MIER1: variants seen among roughly 807,000 people sequenced by gnomAD.
MIER1 encodes mesoderm induction early response protein 1.
MIER1 carries 40 observed loss-of-function variants against 75.7 expected under a neutral mutation model. The observed-to-expected ratio is 0.53, with a 90% CI of 0.41 to 0.69. MIER1 has a LOEUF of 0.69. Among genes scored for constraint, MIER1 ranks in the 30% least tolerant of loss-of-function variants. The pLI is 0.00. For synonymous variants in MIER1, 213 were observed against 223.4 expected, an observed-to-expected ratio of 0.95 and a Z score of 0.42; for missense variants, 574 against 680.2, an observed-to-expected ratio of 0.84 and a Z score of 1.74.
At chr1:66,967,309 A>G (rs1662624209) in intron 8 of MIER1, among the ~76,000 whole-genome samples, 1 of 152,174 alleles carries the variant, frequency 6.6e-6, no homozygotes, top group East Asian at 1.9e-4. Flanking sequence ...AAATGAGTTC[A>G]CTGTAGGTAT....
intron 1 of MIER1, 141 bp downstream of exon 1, chr1:66,925,236 A>G: frequency 1.5e-6 from 2 of 1,354,678 alleles, no homozygotes; most frequent in South Asian, 1.9e-5. Flanking sequence ...ACTTCCGGGG[A>G]GGGGCTGCCG....
intron 4 of MIER1, among the ~76,000 whole-genome samples, chr1:66,950,130 A>T (rs1658584372): frequency 6.6e-6 from 1 of 152,100 alleles, no homozygotes; most frequent in Admixed American, 6.6e-5. Flanking sequence ...TTTTTTTGAG[A>T]CAGAGTCTCA....
Position 66,985,011 on chromosome 1 carries a change from A to G in MIER1, c.*111A>G. On this transcript the variant is annotated 3_prime_UTR_variant, in exon 14 of 14. Coordinates refer to ENST00000401041, the MANE Select transcript of MIER1 (RefSeq NM_001077700.3). The stretch of plus-strand genomic sequence containing the variant: ...TTCCTTGAAGCAGTTTGAAAATTTG[A>G]ATTGAGTCTTAACTTTAGGAAATGA... 7.0e-7 allele frequency: 1 copy of G among 1,423,030 alleles called. No individual in the cohort carries two copies. Among genetic ancestry groups the G allele is most frequent in the East Asian group, 2.6e-5 (1 of 39,124 alleles). 88.2% of individuals were successfully genotyped at this position (1,423,030 alleles called of 1,614,324 possible).
At chr1:66,956,211 C>T (rs1384650602) in intron 4 of MIER1, among the ~76,000 whole-genome samples, 1 of 152,104 alleles carries the variant, frequency 6.6e-6, no homozygotes, top group Non-Finnish European at 1.5e-5. Flanking sequence ...CGCTTGCATC[C>T]AGGTGTTTGA....
intron 4 of MIER1, among the ~76,000 whole-genome samples, chr1:66,957,587 G>GTTTTTTTTT (rs770503779): frequency 1.8e-4 from 18 of 99,246 alleles, no homozygotes; most frequent in East Asian, 5.9e-4. Context: ...GTTTGTTTGT[G>GTTTTTTTTT]TTTTTTTTTT....
chr1:66,988,587 T>C lies in MIER1; in HGVS notation c.*3687T>C. On this transcript the variant is annotated 3_prime_UTR_variant, in exon 14 of 14. Transcript: ENST00000401041. ...TTAGTTAGTATAAAGAATTATAGAATGTATAATGTAATTAAAATGTCATTT... is the reference window on the plus strand; with the variant it reads ...TTAGTTAGTATAAAGAATTATAGAACGTATAATGTAATTAAAATGTCATTT... 6.6e-6 allele frequency: 1 copy of C among 152,156 alleles called. No homozygotes were observed. The highest frequency in any genetic ancestry group is 2.4e-5 in the African/African-American group (1 of 41,452). 9.4% of individuals were successfully genotyped at this position (152,156 alleles called of 1,614,324 possible).
At chr1:66,935,286 G>A (rs1162479920) in intron 2 of MIER1, among the ~76,000 whole-genome samples, 1 of 152,132 alleles carries the variant, frequency 6.6e-6, no homozygotes, top group African/African-American at 2.4e-5. Flanking sequence ...ACAACTATTA[G>A]CAATTTTATC....
At chr1:66,940,367 T>TA (rs1352896248) in intron 3 of MIER1, 1 of 234,590 alleles carries the variant, frequency 4.3e-6, no homozygotes, top group Admixed American at 5.6e-5. Flanking sequence ...TTGTGCTTTT[T>TA]AAAAAGGAAT....
intron 4 of MIER1, among the ~76,000 whole-genome samples, chr1:66,956,791 A>G (rs1293966716): frequency 6.6e-6 from 1 of 152,244 alleles, no homozygotes; most frequent in African/African-American, 2.4e-5. Context: ...GTAATGGGAA[A>G]TAGAAGTTTT....
At chr1:66,967,499 A>C (rs1374240460) in intron 8 of MIER1, among the ~76,000 whole-genome samples, 14 of 152,062 alleles carry the variant, frequency 9.2e-5, no homozygotes, top group Non-Finnish European at 1.8e-4. Flanking sequence ...GTTCCATATA[A>C]ATTTTAGGAA....
chr1:66,970,209 T>TAA (rs1663321941), intron 8 of MIER1, among the ~76,000 whole-genome samples: 2 of 152,202 alleles, frequency 1.3e-5, no homozygotes. Context: ...TAAATACCTT[T>TAA]AAAAAAGTAA....
intron 7 of MIER1, chr1:66,959,953 C>G (rs1178852266): frequency 3.7e-6 from 1 of 273,254 alleles, no homozygotes; most frequent in African/African-American, 2.2e-5. Flanking sequence ...GGTGTGGTGG[C>G]TCACGCCTGT....
rs747161738 is a variant in MIER1 at position 66,946,342 on chromosome 1, G to A, written c.339+47G>A. ...GGTATGAATTGGTTATGACTTTTTT[G>A]TGGAAAGGGAAGATCTGAAATTTTG... On this transcript the variant is annotated intron_variant, in intron 4 of 13. Coordinates refer to ENST00000401041, the MANE Select transcript of MIER1 (RefSeq NM_001077700.3). 1.1e-5 allele frequency: 17 copies of A among 1,498,674 alleles called. 1 individual carries two copies. In the South Asian group the frequency reaches 2.2e-4, roughly 20 times the overall value. 92.8% of individuals were successfully genotyped at this position (1,498,674 alleles called of 1,614,324 possible).
At chr1:66,941,981 A>AC (rs951831447) in intron 3 of MIER1, among the ~76,000 whole-genome samples, 21 of 151,838 alleles carry the variant, frequency 1.4e-4, no homozygotes, top group African/African-American at 4.4e-4. Flanking sequence ...AAAAAAAAAA[A>AC]AAAAAACAGT....
At position 66,986,066 on chromosome 1, in the gene MIER1, A is replaced by G. The variant is rs1007131016; in HGVS notation, c.*1166A>G. On this transcript the variant is annotated 3_prime_UTR_variant, in exon 14 of 14. Transcript: ENST00000401041. ...ATTAAATAAACAGAGGAGGGGGGTC[A>G]AGTGATACTTAGATATTGGCACACA... The G allele has an allele frequency of 9.8e-7, 1 of 1,023,680 alleles. No individual in the cohort carries two copies. The highest frequency in any genetic ancestry group is 1.7e-5 in the African/African-American group (1 of 58,258). 63.4% of individuals were successfully genotyped at this position (1,023,680 alleles called of 1,614,324 possible). A position where few individuals can be genotyped will look rare whatever the true frequency, so the allele number is the denominator to read the frequency against.
Position 66,946,279 on chromosome 1 carries a change from T to C in MIER1, c.323T>C (p.Ile108Thr). The C allele has an allele frequency of 2.5e-6, 4 of 1,607,824 alleles. No homozygotes were observed. The highest frequency in any genetic ancestry group is 3.4e-6 in the Non-Finnish European group (4 of 1,178,344). ...MEGETNFSSE[I>T]EDLAREGDMP... ...GGAGAAACAAACTTCAGCTCTGAAATAGAAGATCTTGCAAGGGTAAATAAC... is the reference window on the plus strand; with the variant it reads ...GGAGAAACAAACTTCAGCTCTGAAACAGAAGATCTTGCAAGGGTAAATAAC... Residue 108 changes from isoleucine (I) to threonine (T), a missense_variant, in exon 4 of 14, where the codon ATA becomes ACA. Around this residue, in one of 3 missense-constraint regions of MIER1, gnomAD observed 309 missense variants for 352.8 expected, o/e 0.88. Transcript: ENST00000401041.
chr1:66,965,737 G>A (rs904990303), intron 8 of MIER1, among the ~76,000 whole-genome samples: 5 of 152,148 alleles, frequency 3.3e-5, no homozygotes, highest in African/African-American at 1.2e-4. Flanking sequence ...CTGTTGTGCT[G>A]TCAACTATTA....
intron 2 of MIER1, chr1:66,930,365 G>C: frequency 6.2e-7 from 1 of 1,607,242 alleles, no homozygotes; most frequent in Non-Finnish European, 8.5e-7. Context: ...GGCCGCCGCG[G>C]AGATGTGACC....
At chr1:66,938,368 T>G in intron 2 of MIER1, among the ~76,000 whole-genome samples, 1 of 152,182 alleles carries the variant, frequency 6.6e-6, no homozygotes, top group East Asian at 1.9e-4. Context: ...GAATAATTAT[T>G]CCAGTGTTCA....
Sources: gnomAD v4.1 joint callset for allele counts (sites outside exome capture counted in the v4.1 genomes callset) on GRCh38, gnomAD v4.1.1 for gene constraint, gnomAD v4.1.1 regional missense constraint, MANE v1.5 for transcripts, NCBI Gene and HGNC (gene_info 2026-07-23, HGNC 2026-07-21) for gene names.